The following TIMM17A variants were observed in gnomAD, a reference collection of about 807,000 sequenced individuals.
TIMM17A encodes mitochondrial import inner membrane translocase subunit Tim17-A.
In TIMM17A, 15 loss-of-function variants were observed where a neutral mutation model predicts 26.5. That is an observed-to-expected ratio of 0.57 (90% CI 0.38 to 0.87). TIMM17A has a LOEUF of 0.87. Ranked by LOEUF, TIMM17A falls within the 40% of genes least tolerant of loss-of-function variation. The probability of loss-of-function intolerance (pLI) is 0.00; values close to 1 mark genes in which losing one functional copy is unlikely to be tolerated. For missense variants in TIMM17A, 201 were observed against 210.0 expected, an observed-to-expected ratio of 0.96 and a Z score of 0.27; for synonymous variants, 80 against 70.8, an observed-to-expected ratio of 1.13 and a Z score of -0.66.
chr1:201,968,434 G>T (rs956621002), intron 5 of TIMM17A, among the ~76,000 whole-genome samples: 1 of 147,154 alleles, frequency 6.8e-6, no homozygotes, highest in South Asian at 2.1e-4. Context: ...GCTCTGTCTC[G>T]CAGGCTGGAG....
At chr1:201,957,752 T>TA in intron 3 of TIMM17A, 178 bp downstream of exon 3, 1 of 551,932 alleles carries the variant, frequency 1.8e-6, no homozygotes, top group Non-Finnish European at 3.2e-6. Flanking sequence ...TAACCTGAAT[T>TA]ATGATACCCA....
intron 3 of TIMM17A, among the ~76,000 whole-genome samples, chr1:201,961,714 A>G (rs1682536517): frequency 6.6e-6 from 1 of 152,160 alleles, no homozygotes; most frequent in South Asian, 2.1e-4. Flanking sequence ...AAAAATCAAG[A>G]ATGGTATACA....
chr1:201,963,415 C>T, intron 3 of TIMM17A: 1 of 520,656 alleles, frequency 1.9e-6, no homozygotes, highest in African/African-American at 2.0e-5. Flanking sequence ...GCTAATTTTC[C>T]AGCTGATATA....
Position 201,957,354 on chromosome 1 carries a change from A to G in TIMM17A, c.100A>G (p.Ile34Val), listed in dbSNP as rs527454908. Reference sequence around the variant, plus strand: ...CATTGGTGGTGGTATCTTTCAAGCAATCAAAGGTTTTCGCAATTCTCCAGT... The same window carrying G: ...CATTGGTGGTGGTATCTTTCAAGCAGTCAAAGGTTTTCGCAATTCTCCAGT... The part of the protein sequence containing the change: ...GTIGGGIFQA[I>V]KGFRNSPVGV... Residue 34 changes from isoleucine to valine, a missense_variant, in exon 2 of 6, where the codon ATC becomes GTC. Coordinates refer to ENST00000367287, the MANE Select transcript of TIMM17A (RefSeq NM_006335.3). The G allele has an allele frequency of 6.2e-7, 1 of 1,613,976 alleles. No homozygotes were observed. The highest frequency in any genetic ancestry group is 1.3e-5 in the African/African-American group (1 of 75,044).
chr1:201,963,609 A>C lies in TIMM17A; in HGVS notation c.191-7A>C, dbSNP rs201710712. 8 of 1,594,726 alleles carry C rather than the reference A, an allele frequency of 5.0e-6. No homozygotes were observed. The highest frequency in any genetic ancestry group is 6.0e-6 in the Non-Finnish European group (7 of 1,175,134). Reference sequence around the variant, plus strand: ...GTATTTGCTTGTTTCTTTTTACAATAAAATAGGTAGCTTTGCAGTTTGGGG... The same window carrying C: ...GTATTTGCTTGTTTCTTTTTACAATCAAATAGGTAGCTTTGCAGTTTGGGG... On this transcript the variant is annotated splice_polypyrimidine_tract_variant and splice_region_variant and intron_variant, in intron 3 of 5. Coordinates refer to ENST00000367287, the MANE Select transcript of TIMM17A (RefSeq NM_006335.3).
intron 3 of TIMM17A, chr1:201,963,372 G>T (rs969926364): frequency 2.8e-6 from 1 of 361,252 alleles, no homozygotes; most frequent in Non-Finnish European, 4.9e-6. Flanking sequence ...TATGGCACCC[G>T]GCTGGCTTAT....
At chr1:201,962,413 C>G (rs1682549567) in intron 3 of TIMM17A, 1 of 152,272 alleles carries the variant, frequency 6.6e-6, no homozygotes, top group Non-Finnish European at 1.5e-5. Flanking sequence ...GTGGTGCAAA[C>G]TTGGCTCACT....
At chr1:201,957,419 A>G (rs1571602535) in intron 2 of TIMM17A, 39 bp downstream of exon 2, 6 of 1,597,518 alleles carry the variant, frequency 3.8e-6, no homozygotes, top group South Asian at 1.1e-5. Context: ...ATCACTTGCA[A>G]CTTGGGTTTG....
Position 201,963,698 on chromosome 1 carries a change from C to G in TIMM17A, c.273C>G (p.Asn91Lys), listed in dbSNP as rs749127111. Residue 91 changes from asparagine to lysine, a missense_variant, in exon 4 of 6, where the codon AAC (asparagine) becomes AAG (lysine). Coordinates refer to ENST00000367287, the MANE Select transcript of TIMM17A (RefSeq NM_006335.3). ...VQVRGKEDPW[N>K]SITSGALTGA... is the part of the protein sequence containing the mutation. ...TCAGAGGAAAGGAAGATCCCTGGAA[C>G]TCCATCACAAGTGGTGCCTTAACGG... 1 of 1,611,994 alleles carries G rather than the reference C, an allele frequency of 6.2e-7. No homozygotes were observed. The highest frequency in any genetic ancestry group is 1.1e-5 in the South Asian group (1 of 90,632).
At chr1:201,964,647 T>C (rs941948531) in intron 4 of TIMM17A, among the ~76,000 whole-genome samples, 2 of 123,112 alleles carry the variant, frequency 1.6e-5, no homozygotes, top group East Asian at 2.3e-4. Flanking sequence ...TTTTTTTTTT[T>C]TTTTTTTTTT....
chr1:201,969,526 C>G lies in TIMM17A; in HGVS notation c.488C>G (p.Pro163Arg), dbSNP rs1682695048. 1 of 1,613,936 alleles carries G rather than the reference C, an allele frequency of 6.2e-7. No homozygotes were observed. The highest frequency in any genetic ancestry group is 8.5e-7 in the Non-Finnish European group (1 of 1,179,902). The change falls in exon 6 of 6, where the codon CCT (proline) becomes CGT (arginine). Residue 163 changes from proline (P) to arginine (R), a missense_variant. Physicochemically the swap from Pro to Arg is moderately radical, Grantham distance 103. Transcript: ENST00000367287. ...CCTTCAACTCAGTTACCTTCCTCAC[C>G]TTTTGGAGACTATCGACAATATCAG... ...QLPSTQLPSSPFGDYRQYQ is the reference protein window; with the variant it reads ...QLPSTQLPSSRFGDYRQYQ
intron 1 of TIMM17A, among the ~76,000 whole-genome samples, chr1:201,955,943 G>A (rs1682402060): frequency 6.6e-6 from 1 of 152,208 alleles, no homozygotes; most frequent in Non-Finnish European, 1.5e-5. Context: ...CAGTTCCTGC[G>A]TTGAGGAACT....
rs182167307 is a variant in TIMM17A, at chr1:201,965,584, A to G, written c.430+41A>G. ...TAAAACTATAGCTCAAACATTTTGG[A>G]ATGGTTTTCTGATGTTAAGAAAGAA... On this transcript the variant is annotated intron_variant, in intron 5 of 5. Transcript: ENST00000367287. The G allele has an allele frequency of 3.7e-5, 47 of 1,269,390 alleles. 1 individual carries two copies. In the African/African-American group the frequency reaches 5.4e-4, roughly 15 times the overall value. The allele number at this position is 1,269,390 out of a possible 1,614,324, so 78.6% of individuals were successfully genotyped here.
intron 1 of TIMM17A, among the ~76,000 whole-genome samples, chr1:201,956,403 G>A (rs1425135048): frequency 1.3e-5 from 2 of 152,172 alleles, no homozygotes; most frequent in African/African-American, 2.4e-5. Flanking sequence ...CTCAATTTGT[G>A]AAAGTGCCCA....
intron 5 of TIMM17A, 111 bp downstream of exon 5, chr1:201,965,654 G>A (rs1571606935): frequency 1.3e-6 from 1 of 748,686 alleles, no homozygotes; most frequent in South Asian, 1.7e-5. Context: ...AATATGCTGT[G>A]GTTCATGAGG....
At chr1:201,969,289 A>C (rs1446385784) in intron 5 of TIMM17A, among the ~76,000 whole-genome samples, 180 bp from the exon 6 acceptor site, 1 of 152,180 alleles carries the variant, frequency 6.6e-6, no homozygotes, top group Non-Finnish European at 1.5e-5. Flanking sequence ...GTTATACCAA[A>C]TTTGAAGGTT....
intron 1 of TIMM17A, 23 bp from the exon 2 acceptor site, chr1:201,957,258 C>T: frequency 6.8e-7 from 1 of 1,462,316 alleles, no homozygotes; most frequent in Non-Finnish European, 9.5e-7. Flanking sequence ...GAAATATGGT[C>T]TTTTTTTTCC....
intron 5 of TIMM17A, among the ~76,000 whole-genome samples, chr1:201,967,996 T>C (rs1366886128): frequency 2.6e-5 from 4 of 151,774 alleles, no homozygotes; most frequent in Non-Finnish European, 5.9e-5. Context: ...CATGAAAAAG[T>C]TTGTCTTGTT....
intron 3 of TIMM17A, among the ~76,000 whole-genome samples, chr1:201,960,872 C>G (rs1682511151): frequency 6.6e-6 from 1 of 151,922 alleles, no homozygotes; most frequent in Non-Finnish European, 1.5e-5. Flanking sequence ...CCTCAGCCTC[C>G]TGAGTAGCTG....
Sources: allele counts gnomAD v4.1 joint callset (sites outside exome capture counted in the v4.1 genomes callset), GRCh38; gene constraint gnomAD v4.1.1; transcripts MANE v1.5; gene names NCBI Gene and HGNC (gene_info 2026-07-23, HGNC 2026-07-21).